The following NDUFS4 variants were observed in gnomAD, a reference collection of about 807,000 sequenced individuals.
The protein encoded by NDUFS4 is NADH dehydrogenase [ubiquinone] iron-sulfur protein 4, mitochondrial.
A neutral mutation model predicts 24.3 loss-of-function variants in NDUFS4; 28 were observed. The ratio of observed to expected loss-of-function variants is 1.15; its 90% confidence interval spans 0.85 to 1.58. NDUFS4 has a LOEUF of 1.58. Ranked by LOEUF, NDUFS4 falls within the 40% of genes most tolerant of loss-of-function variation. NDUFS4 has a pLI of 0.00. For synonymous variants in NDUFS4, 93 were observed against 69.7 expected (o/e 1.34, Z -1.67); for missense variants, 223 against 207.9 (o/e 1.07, Z -0.45).
chr5:53,591,460 TTG>T (rs1491202420), intron 1 of NDUFS4, among the ~76,000 whole-genome samples: 64 of 45,408 alleles, frequency 1.4e-3, no homozygotes, highest in Middle Eastern at 7.2e-3. Flanking sequence ...TTTGTTTTTT[TTG>T]GGGGGGGGGG....
intron 3 of NDUFS4, among the ~76,000 whole-genome samples, chr5:53,657,119 T>TG (rs1227814813): frequency 1.3e-5 from 2 of 152,212 alleles, no homozygotes; most frequent in Non-Finnish European, 2.9e-5. Flanking sequence ...TCCTGGCTTC[T>TG]GTCTTGTTTC....
chr5:53,611,991 T>G (rs1750712254), intron 2 of NDUFS4, among the ~76,000 whole-genome samples: 1 of 152,008 alleles, frequency 6.6e-6, no homozygotes, highest in African/African-American at 2.4e-5. Flanking sequence ...TTTCTGATCA[T>G]TTTTTTAGCC....
chr5:53,603,336 C>CTTTTTTTT, intron 1 of NDUFS4, 116 bp from the exon 2 acceptor site: 6 of 508,602 alleles, frequency 1.2e-5, no homozygotes, highest in East Asian at 7.8e-5. Context: ...CTTTCCTTTC[C>CTTTTTTTT]TTTTTTTTTT....
At chr5:53,680,165 C>G (rs1391942516) in intron 4 of NDUFS4, among the ~76,000 whole-genome samples, 1 of 148,030 alleles carries the variant, frequency 6.8e-6, no homozygotes, top group Non-Finnish European at 1.5e-5. Context: ...TTTATTTTCT[C>G]GATATTTTTT....
intron 2 of NDUFS4, among the ~76,000 whole-genome samples, chr5:53,629,146 C>T (rs538735025): frequency 6.6e-6 from 1 of 152,284 alleles, no homozygotes; most frequent in South Asian, 2.1e-4. Flanking sequence ...ACCCAGTAGT[C>T]ATTCAGGAGG....
chr5:53,640,228 A>C (rs1167175665), intron 2 of NDUFS4, among the ~76,000 whole-genome samples: 1 of 152,106 alleles, frequency 6.6e-6, no homozygotes, highest in Non-Finnish European at 1.5e-5. Flanking sequence ...AGGATGTTAA[A>C]GTAGGAACTT....
chr5:53,570,651 A>C (rs1561332823), intron 1 of NDUFS4, among the ~76,000 whole-genome samples: 1 of 147,258 alleles, frequency 6.8e-6, no homozygotes, highest in Non-Finnish European at 1.5e-5. Context: ...GTTGTTTTGC[A>C]TCCTTGTTAA....
At chr5:53,606,212 T>C (rs1037988328) in intron 2 of NDUFS4, among the ~76,000 whole-genome samples, 3 of 151,680 alleles carry the variant, frequency 2.0e-5, no homozygotes, top group African/African-American at 4.8e-5. Context: ...AAACCTGAGA[T>C]TGGGTAATTT....
chr5:53,645,820 C>T (rs1488981287), intron 2 of NDUFS4, among the ~76,000 whole-genome samples: 1 of 152,154 alleles, frequency 6.6e-6, no homozygotes, highest in Non-Finnish European at 1.5e-5. Context: ...TTTAAATAAA[C>T]ATGCAAATAA....
At chr5:53,561,178 C>CGGAT (rs1748832714) in intron 1 of NDUFS4, among the ~76,000 whole-genome samples, 2 of 152,154 alleles carry the variant, frequency 1.3e-5, no homozygotes, top group Non-Finnish European at 2.9e-5. Context: ...TCACTGTATC[C>CGGAT]CTTCCATGGT....
At chr5:53,670,479 A>G (rs1375685109) in intron 4 of NDUFS4, among the ~76,000 whole-genome samples, 1 of 152,058 alleles carries the variant, frequency 6.6e-6, no homozygotes, top group Non-Finnish European at 1.5e-5. Context: ...GTGATAACCT[A>G]GAAACACTGG....
At chr5:53,628,246 G>A (rs974003100) in intron 2 of NDUFS4, among the ~76,000 whole-genome samples, 1 of 152,272 alleles carries the variant, frequency 6.6e-6, no homozygotes, top group East Asian at 1.9e-4. Context: ...TGATTGTGGT[G>A]GATAAGCTTT....
chr5:53,670,967 ACTAT>A (rs1740195072), intron 4 of NDUFS4, among the ~76,000 whole-genome samples: 1 of 151,552 alleles, frequency 6.6e-6, no homozygotes. Context: ...TTTATACTCT[ACTAT>A]CTATATAGTA....
intron 1 of NDUFS4, among the ~76,000 whole-genome samples, chr5:53,582,616 CAT>C (rs1163142645): frequency 6.6e-6 from 1 of 152,212 alleles, no homozygotes; most frequent in Non-Finnish European, 1.5e-5. Context: ...TTTTCATCAA[CAT>C]ATAACAAAAT....
chr5:53,661,829 T>A (rs1085430), intron 4 of NDUFS4, among the ~76,000 whole-genome samples: 1 of 152,048 alleles, frequency 6.6e-6, no homozygotes, highest in Non-Finnish European at 1.5e-5. Flanking sequence ...ATGCTTGTGG[T>A]TTTTGCACAT....
chr5:53,652,120 G>A (rs1440792444), intron 3 of NDUFS4, among the ~76,000 whole-genome samples: 2 of 152,094 alleles, frequency 1.3e-5, no homozygotes, highest in African/African-American at 4.8e-5. Flanking sequence ...CTATCATATT[G>A]ATGGAATGGC....
At chr5:53,625,488 A>G (rs1463337701) in intron 2 of NDUFS4, among the ~76,000 whole-genome samples, 1 of 152,134 alleles carries the variant, frequency 6.6e-6, no homozygotes, top group Non-Finnish European at 1.5e-5. Flanking sequence ...TATAACACTT[A>G]TATTGTACTG....
chr5:53,569,800 G>A (rs890212842), intron 1 of NDUFS4, among the ~76,000 whole-genome samples: 2 of 152,062 alleles, frequency 1.3e-5, no homozygotes, highest in African/African-American at 4.8e-5. Flanking sequence ...CTTTATTAAT[G>A]ATCAAATTTC....
At position 53,638,905 on chromosome 5, in the gene NDUFS4, A is replaced by G. The variant is rs549650404; in HGVS notation, c.178-7328A>G. On this transcript the variant is annotated intron_variant, in intron 2 of 4. Coordinates refer to ENST00000296684, the MANE Select transcript of NDUFS4 (RefSeq NM_002495.4). Reference sequence around the variant, plus strand: ...TAGCTAATGTTAATAAAACTATGTAAATGAATTCATTCAGTCTCAGCCATC... The same window carrying G: ...TAGCTAATGTTAATAAAACTATGTAGATGAATTCATTCAGTCTCAGCCATC... Among the ~76,000 whole-genome samples the G allele has an allele frequency of 1.6e-4, 25 of 152,192 alleles. 1 individual carries two copies. In the South Asian group the frequency reaches 4.8e-3, roughly 29 times the overall value.
Sources: gnomAD v4.1 joint callset for allele counts (sites outside exome capture counted in the v4.1 genomes callset) on GRCh38, gnomAD v4.1.1 for gene constraint, MANE v1.5 for transcripts, NCBI Gene and HGNC (gene_info 2026-07-23, HGNC 2026-07-21) for gene names.